PGAP1: variants seen among roughly 807,000 people sequenced by gnomAD.
The protein encoded by PGAP1 is GPI inositol-deacylase.
A neutral mutation model predicts 127.0 loss-of-function variants in PGAP1; 76 were observed. The ratio of observed to expected loss-of-function variants is 0.60; its 90% CI spans 0.50 to 0.72. The LOEUF is 0.72. PGAP1 is among the 30% of genes least tolerant of loss of function. PGAP1 has a pLI of 0.00. For synonymous variants in PGAP1, 362 were observed against 366.5 expected (o/e 0.99, Z 0.14); for missense variants, 982 against 1,071.3 (o/e 0.92, Z 1.16).
intron 21 of PGAP1, chr2:196,847,427 C>A: frequency 1.9e-5 from 6 of 320,534 alleles, no homozygotes; most frequent in South Asian, 7.2e-5. Flanking sequence ...CTTTACTAAT[C>A]TATATTGATA....
rs1470414199 is a variant in PGAP1, at chr2:196,837,724, G to A, written c.*3510C>T. 1 of 152,142 alleles carries A rather than the reference G, an allele frequency of 6.6e-6. No homozygotes were observed. Among genetic ancestry groups the A allele is most frequent in the Non-Finnish European group, 1.5e-5 (1 of 68,012 alleles). 9.4% of individuals were successfully genotyped at this position (152,142 alleles called of 1,614,324 possible). ...TGGAAATGAGTAGTATCACATGAAT[G>A]ACAAGACAACCAACAACAAACACTA... On this transcript the variant is annotated 3_prime_UTR_variant, in exon 27 of 27. Transcript: ENST00000354764.
intron 13 of PGAP1, among the ~76,000 whole-genome samples, chr2:196,877,916 T>C (rs915892817): frequency 2.6e-5 from 4 of 152,132 alleles, no homozygotes; most frequent in African/African-American, 7.2e-5. Flanking sequence ...CATAAATAAA[T>C]TATAATTCAA....
At chr2:196,905,217 G>C (rs139115101) in intron 4 of PGAP1, among the ~76,000 whole-genome samples, 1 of 151,976 alleles carries the variant, frequency 6.6e-6, no homozygotes, top group Non-Finnish European at 1.5e-5. Flanking sequence ...TAATCTATAC[G>C]GGTCATCTAC....
chr2:196,851,999 G>A (rs1290469820), intron 20 of PGAP1, among the ~76,000 whole-genome samples: 1 of 152,060 alleles, frequency 6.6e-6, no homozygotes, highest in Non-Finnish European at 1.5e-5. Flanking sequence ...GCATTCTACA[G>A]GCTACTTTAC....
chr2:196,871,292 G>C (rs1177635617), intron 18 of PGAP1, among the ~76,000 whole-genome samples: 1 of 151,948 alleles, frequency 6.6e-6, no homozygotes, highest in Non-Finnish European at 1.5e-5. Context: ...GCCAGCTAAA[G>C]AAATTTAAGC....
chr2:196,926,396 G>T (rs1186118753), intron 1 of PGAP1, 74 bp downstream of exon 1: 16 of 1,600,100 alleles, frequency 1.0e-5, no homozygotes, highest in South Asian at 1.1e-5. Context: ...AAGGCAGGAC[G>T]AACCCACAGA....
rs62185645 is a variant in PGAP1 at position 196,870,955 on chromosome 2, G to C, written c.1753C>G (p.Gln585Glu). 8,679 of 1,606,892 alleles carry C rather than the reference G, an allele frequency of 5.4e-3. 35 individuals carry two copies. The highest frequency in any genetic ancestry group is 6.7e-3 in the Non-Finnish European group (7,828 of 1,174,138). The change falls in exon 19 of 27, where the codon CAA (glutamine) becomes GAA (glutamate). Residue 585 changes from glutamine (Q) to glutamate (E), a missense_variant. Transcript: ENST00000354764. ...ATCTCTCTTACCTGTCCAAGTATTT[G>C]TGAAAAGGAAGTCTTAACTGTCACC... The part of the protein sequence containing the change: ...YEVTVKTSFS[Q>E]ILGQVVRFHG...
intron 12 of PGAP1, among the ~76,000 whole-genome samples, chr2:196,882,443 T>C (rs1337639685): frequency 1.3e-5 from 2 of 152,238 alleles, no homozygotes; most frequent in Non-Finnish European, 2.9e-5. Context: ...CTTTGGACAG[T>C]ATGGCCATTT....
intron 2 of PGAP1, among the ~76,000 whole-genome samples, chr2:196,918,667 G>A (rs75766689): frequency 0.013 from 1,944 of 152,188 alleles, 33 homozygotes; most frequent in East Asian, 0.1. Flanking sequence ...GAAAGTTAAG[G>A]AAATTACTCT....
rs554790574 is a variant in PGAP1 at position 196,863,670 on chromosome 2, C to T, written c.1861+1317G>A. 7.0e-4 allele frequency among the ~76,000 whole-genome samples: 106 copies of T among 152,248 alleles called. 1 individual carries two copies. Among genetic ancestry groups the T allele is most frequent in the Non-Finnish European group, 1.4e-3 (94 of 68,008 alleles). Reference sequence around the variant, plus strand: ...TGATAGCACTGCAACCTCTGCCTCCCGGATTCAAGCGATTCTCCTGCCTCA... The same window carrying T: ...TGATAGCACTGCAACCTCTGCCTCCTGGATTCAAGCGATTCTCCTGCCTCA... On this transcript the variant is annotated intron_variant, in intron 20 of 26. Transcript: ENST00000354764.
intron 7 of PGAP1, 64 bp downstream of exon 7, chr2:196,897,067 G>T: frequency 3.4e-6 from 3 of 895,264 alleles, no homozygotes; most frequent in South Asian, 1.7e-5. Context: ...ATCCATCATG[G>T]CTGTAAATGA....
rs1329688368 is a variant in PGAP1, at chr2:196,873,738, C to T, written c.1447G>A (p.Val483Met). Reference protein sequence around the residue: ...FSFGLSSRKVVLNTNGLYYNL... With the variant: ...FSFGLSSRKVMLNTNGLYYNL... ...TAGTATAGGCCATTTGTATTTAACACCACTTTCCTTGAAGACAATCCTGTT... is the reference window on the plus strand; with the variant it reads ...TAGTATAGGCCATTTGTATTTAACATCACTTTCCTTGAAGACAATCCTGTT... Residue 483 changes from valine to methionine, a missense_variant, in exon 15 of 27, where the codon GTG becomes ATG. By Grantham distance (21) the Val-to-Met change is conservative. Coordinates refer to ENST00000354764, the MANE Select transcript of PGAP1 (RefSeq NM_024989.4). 6.2e-7 allele frequency: 1 copy of T among 1,611,194 alleles called. No individual in the cohort carries two copies. Among genetic ancestry groups the T allele is most frequent in the Non-Finnish European group, 8.5e-7 (1 of 1,177,694 alleles).
intron 19 of PGAP1, 119 bp downstream of exon 19, chr2:196,870,822 A>ATG: frequency 1.4e-6 from 1 of 736,038 alleles, no homozygotes; most frequent in Non-Finnish European, 2.3e-6. Flanking sequence ...AAGATACTGT[A>ATG]TGTGGTCTGC....
At chr2:196,925,413 A>G (rs1177025429) in intron 1 of PGAP1, among the ~76,000 whole-genome samples, 3 of 152,242 alleles carry the variant, frequency 2.0e-5, no homozygotes, top group Admixed American at 1.3e-4. Context: ...TTTTATCAAT[A>G]TATGTTATAG....
chr2:196,848,345 T>C (rs1342054846), intron 20 of PGAP1, among the ~76,000 whole-genome samples: 3 of 152,176 alleles, frequency 2.0e-5, no homozygotes, highest in African/African-American at 7.2e-5. Context: ...TCTGATATAA[T>C]TCTTCTATTT....
Position 196,890,812 on chromosome 2 carries a change from G to C in PGAP1, c.1173+16C>G, listed in dbSNP as rs1404645631. 2 of 1,433,420 alleles carry C rather than the reference G, an allele frequency of 1.4e-6. No individual in the cohort carries two copies. Among genetic ancestry groups the C allele is most frequent in the South Asian group, 1.2e-5 (1 of 84,534 alleles). 88.8% of individuals were successfully genotyped at this position (1,433,420 alleles called of 1,614,324 possible). The stretch of plus-strand genomic sequence containing the variant: ...TTAGCCTCTTAAATTTACATAAAAT[G>C]TACCAATTATCTTACCAGCATAGTG... On this transcript the variant is annotated intron_variant, in intron 10 of 26. Coordinates refer to ENST00000354764, the MANE Select transcript of PGAP1 (RefSeq NM_024989.4).
chr2:196,861,993 G>A (rs1288874547), intron 20 of PGAP1, among the ~76,000 whole-genome samples: 1 of 151,290 alleles, frequency 6.6e-6, no homozygotes, highest in Non-Finnish European at 1.5e-5. Context: ...TACAGCATGT[G>A]TGTTTGAACA....
chr2:196,878,166 T>A (rs1158892993), intron 13 of PGAP1, among the ~76,000 whole-genome samples: 1 of 152,100 alleles, frequency 6.6e-6, no homozygotes, highest in African/African-American at 2.4e-5. Context: ...AAGCTGAGGA[T>A]CCCTCATCCA....
At chr2:196,858,563 C>T (rs966659423) in intron 20 of PGAP1, among the ~76,000 whole-genome samples, 4 of 151,562 alleles carry the variant, frequency 2.6e-5, no homozygotes, top group African/African-American at 9.7e-5. Context: ...CAATACATGC[C>T]TAAATCCAAA....
Sources: allele counts gnomAD v4.1 joint callset (sites outside exome capture counted in the v4.1 genomes callset), GRCh38; gene constraint gnomAD v4.1.1; transcripts MANE v1.5; gene names NCBI Gene and HGNC (gene_info 2026-07-23, HGNC 2026-07-21).